ETV6: variants seen among roughly 807,000 people sequenced by gnomAD.
ETV6 encodes the protein ETS variant transcription factor 6, also known as transcription factor ETV6.
Under a neutral mutation model 51.1 loss-of-function variants are expected in ETV6, and 16 were observed. The ratio of observed to expected loss-of-function variants is 0.31; its 90% CI spans 0.21 to 0.48. ETV6 has a LOEUF of 0.48. ETV6 is among the 20% of genes least tolerant of loss of function. The pLI is 0.99. For missense variants in ETV6, 458 were observed against 594.8 expected (o/e 0.77, Z 2.39); for synonymous variants, 240 against 224.1 (o/e 1.07, Z -0.64).
At chr12:11,707,661 T>C (rs1865097840) in intron 1 of ETV6, among the ~76,000 whole-genome samples, 1 of 152,212 alleles carries the variant, frequency 6.6e-6, no homozygotes, top group Non-Finnish European at 1.5e-5. Flanking sequence ...CATGTAGATT[T>C]ATGGATTCTA....
chr12:11,821,553 T>C (rs938210298), intron 2 of ETV6, among the ~76,000 whole-genome samples: 2 of 149,844 alleles, frequency 1.3e-5, no homozygotes, highest in Admixed American at 1.3e-4. Flanking sequence ...AATGGAGATG[T>C]TGACCGGGCA....
chr12:11,823,755 G>A (rs142156093), intron 2 of ETV6, among the ~76,000 whole-genome samples: 29 of 152,164 alleles, frequency 1.9e-4, no homozygotes, highest in Middle Eastern at 3.4e-3. Context: ...GTGAGCCACC[G>A]CACCCGGCCA....
In ETV6 at chr12:11,859,118, G is replaced by GCTTTTTTTTTTTTTTTTTTTTTTTTTTTT. The variant is rs1565555150; in HGVS notation, c.463+5557_463+5558insCTTTTTTTTTTTTTTTTTTTTTTTTTTTT. On this transcript the variant is annotated intron_variant, in intron 4 of 7. Transcript: ENST00000396373. ...TAAAGAAGATGAGGTATATGAATCT[G>GCTTTTTTTTTTTTTTTTTTTTTTTTTTTT]GTTTTTTTTTTTTTTTTTTTTTTTT... is the stretch of plus-strand genomic sequence containing the variant. 2.2e-4 allele frequency among the ~76,000 whole-genome samples: 9 copies of GCTTTTTTTTTTTTTTTTTTTTTTTTTTTT among 41,794 alleles called. 4 individuals are homozygous for GCTTTTTTTTTTTTTTTTTTTTTTTTTTTT. Among genetic ancestry groups the GCTTTTTTTTTTTTTTTTTTTTTTTTTTTT allele is most frequent in the Admixed American group, 6.2e-4 (2 of 3,220 alleles). The allele number at this position is 41,794 out of a possible 152,430, so 27.4% of individuals were successfully genotyped here.
intron 2 of ETV6, among the ~76,000 whole-genome samples, chr12:11,824,719 C>G (rs983522513): frequency 9.9e-5 from 15 of 152,142 alleles, no homozygotes; most frequent in African/African-American, 3.6e-4. Context: ...TTGCTGTGAG[C>G]CTAGATCGCG....
chr12:11,845,964 C>G (rs919279583), intron 3 of ETV6, among the ~76,000 whole-genome samples: 2 of 149,832 alleles, frequency 1.3e-5, no homozygotes, highest in African/African-American at 4.9e-5. Context: ...TGCTCTCCAG[C>G]CTGGGCAACA....
At position 11,653,853 on chromosome 12, in the gene ETV6, G is replaced by A. The variant is rs187725967; in HGVS notation, c.33+3693G>A. ...TTTGGAGACAGAGTCTCGCTCTGTC[G>A]CCAGACTGGAGTTCAGTGGTGCGAT... On this transcript the variant is annotated intron_variant, in intron 1 of 7. Transcript: ENST00000396373. Among the ~76,000 whole-genome samples the A allele has an allele frequency of 2.6e-3, 395 of 151,936 alleles. 1 individual carries two copies. The highest frequency in any genetic ancestry group is 8.8e-3 in the African/African-American group (366 of 41,392).
intron 2 of ETV6, among the ~76,000 whole-genome samples, chr12:11,759,036 G>A (rs1463905679): frequency 6.6e-6 from 1 of 152,122 alleles, no homozygotes; most frequent in East Asian, 1.9e-4. Context: ...AGGATGCTTT[G>A]GAAGGGAAAT....
chr12:11,802,664 C>A (rs1212384217), intron 2 of ETV6, among the ~76,000 whole-genome samples: 1 of 152,226 alleles, frequency 6.6e-6, no homozygotes, highest in Non-Finnish European at 1.5e-5. Context: ...GCACAAAATT[C>A]TTAAATAGAC....
At chr12:11,674,071 C>T (rs1864368943) in intron 1 of ETV6, among the ~76,000 whole-genome samples, 1 of 152,186 alleles carries the variant, frequency 6.6e-6, no homozygotes, top group African/African-American at 2.4e-5. Context: ...ATATTTGACA[C>T]ATTAGTTGGC....
chr12:11,716,188 G>A (rs913432226), intron 1 of ETV6, among the ~76,000 whole-genome samples: 16 of 152,032 alleles, frequency 1.1e-4, no homozygotes, highest in Non-Finnish European at 1.8e-4. Flanking sequence ...AAAATTAGCC[G>A]GGCATGGTGG....
Position 11,650,050 on chromosome 12 carries a change from TG to T in ETV6, c.-76del. ...TTAAATGACCGCGTCTGGCTGGCCG[TG>T]GAGCCTTTCTGGGTTGGGGAGAGGA... On this transcript the variant is annotated 5_prime_UTR_variant, in exon 1 of 8. The change creates a premature stop within an existing upstream ORF in the 5' untranslated region. Transcript: ENST00000396373. 1 of 1,324,684 alleles carries T rather than the reference TG, an allele frequency of 7.5e-7. No homozygotes were observed. The allele number at this position is 1,324,684 out of a possible 1,614,324, so 82.1% of individuals were successfully genotyped here.
chr12:11,765,460 C>T (rs1239426424), intron 2 of ETV6, among the ~76,000 whole-genome samples: 4 of 144,874 alleles, frequency 2.8e-5, no homozygotes, highest in Admixed American at 1.4e-4. Context: ...CTTTTCACCA[C>T]TTTTTTTTTT....
At chr12:11,867,180 C>T (rs2723805) in intron 4 of ETV6, among the ~76,000 whole-genome samples, 90,964 of 152,060 alleles carry the variant, frequency 0.6, 27,831 homozygotes, top group Non-Finnish European at 0.66. Context: ...TTCATTTCTA[C>T]CCGTAAGAAG....
intron 1 of ETV6, among the ~76,000 whole-genome samples, chr12:11,651,742 T>G (rs555324635): frequency 1.3e-5 from 2 of 152,162 alleles, no homozygotes; most frequent in Non-Finnish European, 2.9e-5. Context: ...GGTAACTAAA[T>G]AGTAGGATAT....
intron 3 of ETV6, among the ~76,000 whole-genome samples, chr12:11,847,038 T>TGC (rs1233384089): frequency 2.6e-5 from 4 of 151,850 alleles, no homozygotes; most frequent in African/African-American, 7.3e-5. Context: ...CATGGCAAGG[T>TGC]GCGGCGGTGA....
At chr12:11,870,334 A>G (rs1946861868) in intron 5 of ETV6, among the ~76,000 whole-genome samples, 1 of 152,188 alleles carries the variant, frequency 6.6e-6, no homozygotes, top group African/African-American at 2.4e-5. Flanking sequence ...CAGACACAGC[A>G]TAAAGAAGCT....
intron 2 of ETV6, among the ~76,000 whole-genome samples, chr12:11,791,234 C>A (rs572370710): frequency 1.8e-4 from 27 of 152,306 alleles, no homozygotes; most frequent in Admixed American, 1.5e-3. Context: ...CCCTCCACCC[C>A]CTTATCTCTT....
intron 5 of ETV6, among the ~76,000 whole-genome samples, chr12:11,875,693 C>CTTCT: frequency 6.6e-6 from 1 of 152,308 alleles, no homozygotes; most frequent in South Asian, 2.1e-4. Flanking sequence ...TAGCCTCGAG[C>CTTCT]TTCTGTTCAG....
At chr12:11,811,878 G>C (rs1254882910) in intron 2 of ETV6, among the ~76,000 whole-genome samples, 1 of 152,164 alleles carries the variant, frequency 6.6e-6, no homozygotes, top group African/African-American at 2.4e-5. Flanking sequence ...TCCAAAACCT[G>C]TGCTGGTCCT....
Sources: allele counts gnomAD v4.1 joint callset (sites outside exome capture counted in the v4.1 genomes callset), GRCh38; gene constraint gnomAD v4.1.1; transcripts MANE v1.5; gene names NCBI Gene and HGNC (gene_info 2026-07-23, HGNC 2026-07-21).